Variants in PHACTR1 observed in about 807,000 individuals in gnomAD.
The protein encoded by PHACTR1 is phosphatase and actin regulator 1.
In PHACTR1, 16 loss-of-function variants were observed where a neutral mutation model predicts 69.2. The observed-to-expected ratio is 0.23, with a 90% CI of 0.16 to 0.35. PHACTR1 has a LOEUF of 0.35. PHACTR1 is among the 10% of genes least tolerant of loss of function. The probability of loss-of-function intolerance (pLI) is 1.00; values close to 1 mark genes in which losing one functional copy is unlikely to be tolerated. For synonymous variants in PHACTR1, 312 were observed against 284.5 expected, an observed-to-expected ratio of 1.10 and a Z score of -0.97; for missense variants, 510 against 734.7, an observed-to-expected ratio of 0.69 and a Z score of 3.54.
chr6:12,806,937 A>T (rs1774414174), intron 4 of PHACTR1, among the ~76,000 whole-genome samples: 1 of 152,220 alleles, frequency 6.6e-6, no homozygotes, highest in Non-Finnish European at 1.5e-5. Flanking sequence ...TAATCTAGCA[A>T]TCAGATGACA....
At chr6:12,794,079 A>G (rs551861843) in intron 4 of PHACTR1, among the ~76,000 whole-genome samples, 15 of 152,304 alleles carry the variant, frequency 9.8e-5, no homozygotes, top group Admixed American at 6.5e-4. Flanking sequence ...ACCTTAGAAA[A>G]ATAAGTTAAT....
intron 4 of PHACTR1, among the ~76,000 whole-genome samples, chr6:12,836,305 G>A (rs1237707392): frequency 6.6e-6 from 1 of 152,094 alleles, no homozygotes; most frequent in Admixed American, 6.6e-5. Context: ...GACAAATGAT[G>A]GAATAAGATT....
At chr6:12,959,194 AAGAAAAG>A (rs1792341151) in intron 4 of PHACTR1, among the ~76,000 whole-genome samples, 2 of 113,344 alleles carry the variant, frequency 1.8e-5, no homozygotes, top group African/African-American at 1.0e-4. Context: ...AAAAAAAAAA[AAGAAAAG>A]AAAAAAAAAA....
intron 5 of PHACTR1, among the ~76,000 whole-genome samples, chr6:13,119,809 G>A (rs1416623412): frequency 6.6e-6 from 1 of 152,184 alleles, no homozygotes; most frequent in African/African-American, 2.4e-5. Flanking sequence ...ATGAGAAGCC[G>A]ACGGGTGTTC....
chr6:13,164,291 C>T (rs1282456661), intron 6 of PHACTR1, among the ~76,000 whole-genome samples: 1 of 152,176 alleles, frequency 6.6e-6, no homozygotes, highest in Non-Finnish European at 1.5e-5. Context: ...CGGCAAATGG[C>T]AAAGAGACTT....
At chr6:13,111,703 G>A (rs936058027) in intron 5 of PHACTR1, among the ~76,000 whole-genome samples, 17 of 152,076 alleles carry the variant, frequency 1.1e-4, no homozygotes, top group African/African-American at 1.9e-4. Context: ...TCAATAATGC[G>A]TGTTCACATC....
intron 4 of PHACTR1, among the ~76,000 whole-genome samples, chr6:13,045,976 C>T (rs1185948253): frequency 1.3e-5 from 2 of 152,218 alleles, no homozygotes; most frequent in Admixed American, 1.3e-4. Context: ...CACTCCCAGA[C>T]CACAGGACTC....
intron 4 of PHACTR1, among the ~76,000 whole-genome samples, chr6:12,917,556 A>G (rs1276432355): frequency 6.6e-6 from 1 of 152,140 alleles, no homozygotes; most frequent in Admixed American, 6.5e-5. Flanking sequence ...AGTTTGAGAC[A>G]AGCCTGGGCA....
At chr6:13,155,761 G>A (rs982419963) in intron 5 of PHACTR1, among the ~76,000 whole-genome samples, 3 of 152,026 alleles carry the variant, frequency 2.0e-5, no homozygotes, top group African/African-American at 4.8e-5. Flanking sequence ...GGCAGCAGGC[G>A]CCTGTAATCC....
At chr6:13,172,927 A>G (rs1190040328) in intron 6 of PHACTR1, among the ~76,000 whole-genome samples, 1 of 152,264 alleles carries the variant, frequency 6.6e-6, no homozygotes, top group Non-Finnish European at 1.5e-5. Flanking sequence ...GAGGCAGAAA[A>G]GAACATCACG....
intron 10 of PHACTR1, chr6:13,267,500 T>G (rs953788382): frequency 2.0e-5 from 3 of 152,180 alleles, no homozygotes; most frequent in Non-Finnish European, 2.9e-5. Flanking sequence ...ACTCACCTCT[T>G]GCTGGCCAAC....
At chr6:13,036,884 C>G (rs1803389430) in intron 4 of PHACTR1, among the ~76,000 whole-genome samples, 2 of 152,196 alleles carry the variant, frequency 1.3e-5, no homozygotes, top group South Asian at 4.1e-4. Flanking sequence ...TATCCTTTCT[C>G]TGAGAAACAT....
chr6:12,963,974 A>G (rs1793096108), intron 4 of PHACTR1, among the ~76,000 whole-genome samples: 1 of 152,226 alleles, frequency 6.6e-6, no homozygotes, highest in Non-Finnish European at 1.5e-5. Context: ...GACTTTAAGA[A>G]AACTAGTTAA....
At chr6:13,038,425 G>A (rs1015423519) in intron 4 of PHACTR1, among the ~76,000 whole-genome samples, 4 of 151,232 alleles carry the variant, frequency 2.6e-5, no homozygotes, top group Non-Finnish European at 4.4e-5. Flanking sequence ...GTACTCTAGA[G>A]GAAGAGGAAA....
chr6:13,243,134 A>G (rs1773087856), intron 10 of PHACTR1, among the ~76,000 whole-genome samples: 2 of 152,136 alleles, frequency 1.3e-5, no homozygotes, highest in South Asian at 4.1e-4. Context: ...GGAATGAGTC[A>G]GGGCTCTGAT....
intron 5 of PHACTR1, among the ~76,000 whole-genome samples, chr6:13,116,052 T>C (rs559005057): frequency 2.6e-4 from 39 of 152,172 alleles, no homozygotes; most frequent in Non-Finnish European, 4.9e-4. Context: ...GACACACCAG[T>C]TCTCCACTTT....
At position 13,283,912 on chromosome 6, in the gene PHACTR1, G is replaced by C. The variant is rs1458192002; in HGVS notation, c.1650+350G>C. On this transcript the variant is annotated intron_variant, in intron 13 of 14. Transcript: ENST00000332995. This position sits in a 1 kb window ranked among gnomAD's most constrained non-coding sequence, Gnocchi z 4.7. ...GCCCTTCCGTATAGGGGATGGTGCTGCCGGCATCCAACGAGGGATTCACCA... is the reference window on the plus strand; with the variant it reads ...GCCCTTCCGTATAGGGGATGGTGCTCCCGGCATCCAACGAGGGATTCACCA... The C allele has an allele frequency of 7.6e-6, 2 of 263,614 alleles. No individual in the cohort carries two copies. The highest frequency in any genetic ancestry group is 1.7e-4 in the East Asian group (2 of 11,560). 16.3% of individuals were successfully genotyped at this position (263,614 alleles called of 1,614,324 possible). A position where few individuals can be genotyped will look rare whatever the true frequency, so the allele number is the denominator to read the frequency against.
chr6:13,108,330 T>C lies in PHACTR1; in HGVS notation c.416-51874T>C, dbSNP rs536856565. On this transcript the variant is annotated intron_variant, in intron 5 of 14. Transcript: ENST00000332995. Reference sequence around the variant, plus strand: ...ACTTGGTGAATGTTTTATGTGTCCTTAAAAAGAATGTGCATGTTGCAATTT... The same window carrying C: ...ACTTGGTGAATGTTTTATGTGTCCTCAAAAAGAATGTGCATGTTGCAATTT... 2.6e-5 allele frequency among the ~76,000 whole-genome samples: 4 copies of C among 152,218 alleles called. No individual in the cohort carries two copies. The South Asian group carries it at 8.3e-4, about 32-fold the overall frequency.
intron 5 of PHACTR1, among the ~76,000 whole-genome samples, chr6:13,063,664 C>T (rs1478892422): frequency 6.6e-6 from 1 of 151,892 alleles, no homozygotes; most frequent in African/African-American, 2.4e-5. Context: ...CCTGTAGTCC[C>T]AGCTGCTGGG....
Sources: gnomAD v4.1 joint callset for allele counts (sites outside exome capture counted in the v4.1 genomes callset) on GRCh38, gnomAD v4.1.1 for gene constraint, Gnocchi (gnomAD v3.1) non-coding constraint, MANE v1.5 for transcripts, NCBI Gene and HGNC (gene_info 2026-07-23, HGNC 2026-07-21) for gene names.